PIP4K2A: variants seen among roughly 807,000 people sequenced by gnomAD.
PIP4K2A encodes the protein phosphatidylinositol 5-phosphate 4-kinase type-2 alpha.
In PIP4K2A, 14 loss-of-function variants were observed where a neutral mutation model predicts 42.9. The observed-to-expected ratio is 0.33, with a 90% CI of 0.22 to 0.51. The LOEUF (loss-of-function observed/expected upper bound fraction) is 0.51. Ranked by LOEUF, PIP4K2A falls within the 20% of genes least tolerant of loss-of-function variation. The probability of loss-of-function intolerance (pLI) is 0.97; values close to 1 mark genes in which losing one functional copy is unlikely to be tolerated. For missense variants in PIP4K2A, 434 were observed against 519.8 expected (o/e 0.83, Z 1.61); for synonymous variants, 192 against 192.2 (o/e 1.00, Z 0.01).
At chr10:22,591,466 G>C (rs994254887) in intron 4 of PIP4K2A, among the ~76,000 whole-genome samples, 163 bp downstream of exon 4, 2 of 152,352 alleles carry the variant, frequency 1.3e-5, no homozygotes, top group East Asian at 3.9e-4. Flanking sequence ...TAACTGCCAG[G>C]AATCTGGCCA....
chr10:22,644,312 C>T (rs1445776532), intron 1 of PIP4K2A, among the ~76,000 whole-genome samples: 1 of 152,166 alleles, frequency 6.6e-6, no homozygotes, highest in African/African-American at 2.4e-5. Context: ...CACTTCTCTC[C>T]ACCACTGCCT....
At chr10:22,615,484 T>C (rs1838157625) in intron 1 of PIP4K2A, among the ~76,000 whole-genome samples, 1 of 152,204 alleles carries the variant, frequency 6.6e-6, no homozygotes, top group Admixed American at 6.5e-5. Context: ...TGTTACATAA[T>C]GTTCATAAAG....
chr10:22,585,822 C>T (rs1837381804), intron 4 of PIP4K2A, among the ~76,000 whole-genome samples: 1 of 152,100 alleles, frequency 6.6e-6, no homozygotes, highest in African/African-American at 2.4e-5. Flanking sequence ...TCTTGAACTC[C>T]TGGCCTCAAG....
chr10:22,609,898 C>G (rs1196755842), intron 1 of PIP4K2A, among the ~76,000 whole-genome samples, 181 bp from the exon 2 acceptor site: 5 of 152,056 alleles, frequency 3.3e-5, no homozygotes, highest in Admixed American at 6.5e-5. Context: ...ATTCCCACTT[C>G]TTATGTCTGT....
rs1554791611 is a variant in PIP4K2A at position 22,536,725 on chromosome 10, A to AAAAAAAAAAAAAAAAAACAAAAC, written c.*475_*476insGTTTTGTTTTTTTTTTTTTTTTT. The stretch of plus-strand genomic sequence containing the variant: ...ACATCTTTCAACTCCAAAAAAAAAA[A>AAAAAAAAAAAAAAAAAACAAAAC]AAAAAAAAAAAAACTGATCCACAGT... On this transcript the variant is annotated 3_prime_UTR_variant, in exon 10 of 10. Transcript: ENST00000376573. 1 of 124,200 alleles carries AAAAAAAAAAAAAAAAAACAAAAC rather than the reference A, an allele frequency of 8.1e-6. No homozygotes were observed. Among genetic ancestry groups the AAAAAAAAAAAAAAAAAACAAAAC allele is most frequent in the East Asian group, 3.0e-4 (1 of 3,372 alleles). The allele number at this position is 124,200 out of a possible 1,614,324, so 7.7% of individuals were successfully genotyped here.
intron 1 of PIP4K2A, among the ~76,000 whole-genome samples, chr10:22,615,122 A>ATT (rs149106908): frequency 2.0e-5 from 3 of 150,592 alleles, no homozygotes; most frequent in African/African-American, 7.3e-5. Flanking sequence ...TATTATCAGG[A>ATT]TTTTTTTTTT....
At chr10:22,569,504 T>A (rs954668633) in intron 5 of PIP4K2A, among the ~76,000 whole-genome samples, 6 of 152,246 alleles carry the variant, frequency 3.9e-5, no homozygotes, top group Admixed American at 1.3e-4. Flanking sequence ...CAGAAGTACC[T>A]TCCTTTACAC....
chr10:22,602,778 T>C lies in PIP4K2A; in HGVS notation c.339+5149A>G, dbSNP rs190357172. ...GTTGCCCAGGCTGGTCTCGAACTCCTGGGCTCAAGAGATCCTCCTGCACTG... is the reference window on the plus strand; with the variant it reads ...GTTGCCCAGGCTGGTCTCGAACTCCCGGGCTCAAGAGATCCTCCTGCACTG... On this transcript the variant is annotated intron_variant, in intron 3 of 9. Transcript: ENST00000376573. 5.3e-5 allele frequency among the ~76,000 whole-genome samples: 8 copies of C among 152,272 alleles called. No homozygotes were observed. The East Asian group carries it at 1.5e-3, about 29-fold the overall frequency.
chr10:22,542,079 A>G lies in PIP4K2A; in HGVS notation c.793-32T>C, dbSNP rs183616425. The G allele has an allele frequency of 1.3e-5, 21 of 1,557,388 alleles. No homozygotes were observed. In the East Asian group the frequency reaches 4.7e-4, roughly 35 times the overall value. On this transcript the variant is annotated intron_variant, in intron 7 of 9. Coordinates refer to ENST00000376573, the MANE Select transcript of PIP4K2A (RefSeq NM_005028.5). ...ACAGAGGCAACAGGGTGAGTCAGCC[A>G]CACCTTAAACATAAAAGCCAACATT...
chr10:22,675,721 C>A (rs976920723), intron 1 of PIP4K2A, among the ~76,000 whole-genome samples: 2 of 152,176 alleles, frequency 1.3e-5, no homozygotes, highest in Non-Finnish European at 2.9e-5. Context: ...CAATGTAGTA[C>A]AATTCTCCTG....
intron 1 of PIP4K2A, among the ~76,000 whole-genome samples, chr10:22,699,443 G>C (rs1299583340): frequency 6.6e-6 from 1 of 151,876 alleles, no homozygotes; most frequent in African/African-American, 2.4e-5. Context: ...TGCTGAAAAA[G>C]GTAGCTGCTG....
intron 6 of PIP4K2A, among the ~76,000 whole-genome samples, chr10:22,551,015 A>C (rs1028745762): frequency 6.6e-6 from 1 of 152,352 alleles, no homozygotes; most frequent in Admixed American, 6.5e-5. Context: ...GACAGACTCC[A>C]TATCATAAGG....
chr10:22,620,388 C>T (rs1838298183), intron 1 of PIP4K2A, among the ~76,000 whole-genome samples: 1 of 152,216 alleles, frequency 6.6e-6, no homozygotes, highest in Non-Finnish European at 1.5e-5. Context: ...GTGGTCCATT[C>T]AAAAGGGCCC....
At chr10:22,548,477 G>A (rs532459502) in intron 7 of PIP4K2A, among the ~76,000 whole-genome samples, 1 of 152,286 alleles carries the variant, frequency 6.6e-6, no homozygotes, top group East Asian at 1.9e-4. Context: ...ATAGGTCACA[G>A]ATAACCCTAA....
chr10:22,676,425 C>T (rs1038691593), intron 1 of PIP4K2A, among the ~76,000 whole-genome samples: 1 of 152,084 alleles, frequency 6.6e-6, no homozygotes, highest in African/African-American at 2.4e-5. Context: ...TTAAACCTAT[C>T]GTCTCTCAGC....
intron 1 of PIP4K2A, chr10:22,713,790 C>G (rs1022805983): frequency 7.1e-5 from 11 of 154,864 alleles, no homozygotes; most frequent in Admixed American, 6.5e-4. Context: ...AGCGGTCGCC[C>G]GGACCCGGCC....
At chr10:22,654,113 A>G (rs1839046348) in intron 1 of PIP4K2A, among the ~76,000 whole-genome samples, 1 of 152,200 alleles carries the variant, frequency 6.6e-6, no homozygotes. Context: ...CTGGAATGGC[A>G]ATGACTTTGC....
chr10:22,551,118 T>C (rs1836401465), intron 6 of PIP4K2A, among the ~76,000 whole-genome samples: 1 of 152,232 alleles, frequency 6.6e-6, no homozygotes, highest in South Asian at 2.1e-4. Flanking sequence ...AGTATAAAAT[T>C]TGTATTCTTG....
At chr10:22,624,330 T>C (rs1283890659) in intron 1 of PIP4K2A, among the ~76,000 whole-genome samples, 1 of 152,216 alleles carries the variant, frequency 6.6e-6, no homozygotes, top group Non-Finnish European at 1.5e-5. Context: ...GGCATCAAAT[T>C]TGAATGAATT....
Sources: allele counts gnomAD v4.1 joint callset (sites outside exome capture counted in the v4.1 genomes callset), GRCh38; gene constraint gnomAD v4.1.1; transcripts MANE v1.5; gene names NCBI Gene and HGNC (gene_info 2026-07-23, HGNC 2026-07-21).